SPC25: variants seen among roughly 807,000 people sequenced by gnomAD.
SPC25 encodes SPC25 component of NDC80 kinetochore complex.
Under a neutral mutation model 29.6 loss-of-function variants are expected in SPC25, and 22 were observed. The observed-to-expected ratio is 0.74, with a 90% CI of 0.53 to 1.06. SPC25 has a LOEUF of 1.06. Ranked by LOEUF, SPC25 falls within the 50% of genes least tolerant of loss-of-function variation. SPC25 has a pLI of 0.00. For missense variants in SPC25, 230 were observed against 255.8 expected (o/e 0.90, Z 0.69); for synonymous variants, 91 against 90.4 (o/e 1.01, Z -0.04).
At chr2:168,889,037 A>G (rs867710124) in intron 3 of SPC25, among the ~76,000 whole-genome samples, 189 bp downstream of exon 3, 4,659 of 104,780 alleles carry the variant, frequency 0.044, 258 homozygotes, top group Middle Eastern at 0.099. Flanking sequence ...ATATATACAT[A>G]TATATATACA....
chr2:168,868,596 G>T (rs555096493), downstream of SPC25, among the ~76,000 whole-genome samples: 1,889 of 152,236 alleles, frequency 0.012, 36 homozygotes, highest in African/African-American at 0.041. Context: ...AAATAAACTA[G>T]AAAATCTAGA....
intron 4 of SPC25, among the ~76,000 whole-genome samples, chr2:168,864,228 C>T (rs144684462): frequency 1.1e-4 from 17 of 151,884 alleles, no homozygotes; most frequent in South Asian, 8.3e-4. Context: ...CTGCCCATCG[C>T]GGCCTCCCAA....
At chr2:168,865,152 G>A in intron 4 of SPC25, 2 of 661,286 alleles carry the variant, frequency 3.0e-6, no homozygotes, top group East Asian at 2.9e-5. Context: ...AAAGATGGAT[G>A]GGTGGAGACA....
intron 4 of SPC25, among the ~76,000 whole-genome samples, chr2:168,876,505 A>G (rs1047468940): frequency 3.3e-5 from 5 of 152,046 alleles, no homozygotes; most frequent in Non-Finnish European, 5.9e-5. Flanking sequence ...CTTTTTTTCT[A>G]GATAACCAAT....
intron 4 of SPC25, among the ~76,000 whole-genome samples, chr2:168,863,920 T>TC (rs1440850171): frequency 6.6e-6 from 1 of 152,078 alleles, no homozygotes; most frequent in East Asian, 1.9e-4. Flanking sequence ...TTTTTTTATT[T>TC]TTTTTTTTGA....
chr2:168,868,694 T>G (rs199841917), downstream of SPC25, among the ~76,000 whole-genome samples: 5 of 152,104 alleles, frequency 3.3e-5, no homozygotes, highest in East Asian at 3.9e-4. Context: ...TAACAGGCTC[T>G]GAAATTGAGG....
intron 3 of SPC25, among the ~76,000 whole-genome samples, chr2:168,880,911 C>T (rs1462252536): frequency 1.3e-5 from 2 of 152,088 alleles, no homozygotes; most frequent in Non-Finnish European, 2.9e-5. Context: ...ACAATAGTAA[C>T]GTCAAAGATC....
At chr2:168,875,082 A>G (rs1472499603) in intron 5 of SPC25, among the ~76,000 whole-genome samples, 3 of 152,156 alleles carry the variant, frequency 2.0e-5, no homozygotes, top group African/African-American at 7.2e-5. Context: ...TAGCCTACTA[A>G]TTCCTCTCTG....
At chr2:168,875,951 T>C in intron 5 of SPC25, 121 bp downstream of exon 5, 1 of 488,516 alleles carries the variant, frequency 2.0e-6, no homozygotes, top group Non-Finnish European at 3.5e-6. Flanking sequence ...AATTTTTTCC[T>C]ATTTTCTAAA....
At chr2:168,863,630 G>C in intron 4 of SPC25, 6 of 983,516 alleles carry the variant, frequency 6.1e-6, no homozygotes, top group Non-Finnish European at 7.2e-6. Flanking sequence ...TGAATGGGGA[G>C]TTACATTTTG....
intron 4 of SPC25, chr2:168,865,636 A>C (rs1272061813): frequency 1.3e-5 from 2 of 152,166 alleles, no homozygotes; most frequent in Non-Finnish European, 2.9e-5. Flanking sequence ...CAGGCAGGAG[A>C]AGGAAATAAA....
rs934405124 is a variant in SPC25, at chr2:168,889,638, A to G, written c.-14-105T>C. ...TTGGCAATTTGTCCTTTGCTAGAAA[A>G]TAGCAACTTATCTTTAATTCTAGGT... On this transcript the variant is annotated intron_variant, in intron 1 of 6. Transcript: ENST00000282074. 4 of 1,156,306 alleles carry G rather than the reference A, an allele frequency of 3.5e-6. No individual in the cohort carries two copies. The African/African-American group carries it at 6.2e-5, about 18-fold the overall frequency. The allele number at this position is 1,156,306 out of a possible 1,614,324, so 71.6% of individuals were successfully genotyped here.
chr2:168,868,727 C>A (rs1314149389), downstream of SPC25, among the ~76,000 whole-genome samples: 1 of 151,980 alleles, frequency 6.6e-6, no homozygotes, highest in Admixed American at 6.5e-5. Context: ...GCTTACCAAC[C>A]AAAAAAAGTC....
Position 168,889,153 on chromosome 2 carries a change from A to G in SPC25, c.199+73T>C, listed in dbSNP as rs188474308. 99 of 1,318,892 alleles carry G rather than the reference A, an allele frequency of 7.5e-5. No homozygotes were observed. In the African/African-American group the frequency reaches 8.7e-4, roughly 12 times the overall value. The allele number at this position is 1,318,892 out of a possible 1,614,324, so 81.7% of individuals were successfully genotyped here. On this transcript the variant is annotated intron_variant, in intron 3 of 6. Transcript: ENST00000282074. Reference sequence around the variant, plus strand: ...TTGTGTACACAAAATACATTGTCTTACTTGTATGAGAGATTTCATGATAAA... The same window carrying G: ...TTGTGTACACAAAATACATTGTCTTGCTTGTATGAGAGATTTCATGATAAA...
chr2:168,877,905 C>A (rs1343445786), intron 3 of SPC25, among the ~76,000 whole-genome samples: 2 of 151,718 alleles, frequency 1.3e-5, no homozygotes, highest in Non-Finnish European at 1.5e-5. Context: ...CACTATGTTG[C>A]CCAGGCTAGT....
intron 3 of SPC25, among the ~76,000 whole-genome samples, chr2:168,879,827 G>C (rs1690146192): frequency 6.6e-6 from 1 of 152,166 alleles, no homozygotes; most frequent in African/African-American, 2.4e-5. Flanking sequence ...CTGCAGAATG[G>C]ATGTTGTCTT....
rs369743293 is a variant in SPC25 at position 168,884,901 on chromosome 2, A to G, written c.199+4325T>C. The stretch of plus-strand genomic sequence containing the variant: ...AGGTGGTCAATGTAAGGCATTTAGC[A>G]CAGTACCTGGCACACAGTAATGAGT... On this transcript the variant is annotated intron_variant, in intron 3 of 6. Coordinates refer to ENST00000282074, the MANE Select transcript of SPC25 (RefSeq NM_020675.4). 1.8e-4 allele frequency: 27 copies of G among 152,294 alleles called. No homozygotes were observed. In the East Asian group the frequency reaches 2.5e-3, roughly 14 times the overall value. The allele number at this position is 152,294 out of a possible 1,614,324, so 9.4% of individuals were successfully genotyped here.
chr2:168,868,673 G>A (rs981919731), downstream of SPC25, among the ~76,000 whole-genome samples: 18 of 152,178 alleles, frequency 1.2e-4, no homozygotes, highest in Non-Finnish European at 2.1e-4. Context: ...TTGAATCTCT[G>A]AATAGGCCAA....
At chr2:168,875,548 C>T (rs963373242) in intron 5 of SPC25, among the ~76,000 whole-genome samples, 17 of 152,132 alleles carry the variant, frequency 1.1e-4, no homozygotes, top group Non-Finnish European at 1.9e-4. Context: ...CTCCCTCTCA[C>T]AATATCTTAT....
Sources: allele counts gnomAD v4.1 joint callset (sites outside exome capture counted in the v4.1 genomes callset), GRCh38; gene constraint gnomAD v4.1.1; transcripts MANE v1.5; gene names NCBI Gene and HGNC (gene_info 2026-07-23, HGNC 2026-07-21).